Variants in RORA observed in about 807,000 individuals in gnomAD.
The protein encoded by RORA is RAR related orphan receptor A.
A neutral mutation model predicts 69.5 loss-of-function variants in RORA; 7 were observed. The ratio of observed to expected loss-of-function variants is 0.10; its 90% CI spans 0.06 to 0.19. The LOEUF is 0.19. Ranked by LOEUF, RORA falls within the 10% of genes least tolerant of loss-of-function variation. The probability of loss-of-function intolerance (pLI) is 1.00; values close to 1 mark genes in which losing one functional copy is unlikely to be tolerated. For missense variants in RORA, 457 were observed against 663.0 expected (o/e 0.69, Z 3.41); for synonymous variants, 261 against 240.8 (o/e 1.08, Z -0.78).
chr15:60,719,382 T>C (rs551443816), intron 1 of RORA, among the ~76,000 whole-genome samples: 16 of 152,278 alleles, frequency 1.1e-4, no homozygotes, highest in East Asian at 9.6e-4. Flanking sequence ...AGCTGAATGA[T>C]GGGTTCACTG....
intron 2 of RORA, among the ~76,000 whole-genome samples, chr15:60,545,554 A>G (rs1375524976): frequency 6.6e-6 from 1 of 152,202 alleles, no homozygotes; most frequent in African/African-American, 2.4e-5. Context: ...CTATCAGAGA[A>G]ATATCAATCC....
chr15:60,866,843 TCTATCTATCTAC>T (rs1171700205), intron 1 of RORA, among the ~76,000 whole-genome samples: 4 of 151,278 alleles, frequency 2.6e-5, no homozygotes, highest in Non-Finnish European at 4.4e-5. Context: ...TATCTATCTA[TCTATCTATCTAC>T]CTACCTACCT....
At chr15:60,914,349 G>T (rs1204303744) in intron 1 of RORA, among the ~76,000 whole-genome samples, 1 of 152,168 alleles carries the variant, frequency 6.6e-6, no homozygotes, top group Non-Finnish European at 1.5e-5. Flanking sequence ...TAGCCACAGA[G>T]AATGAATTCA....
chr15:60,693,842 C>T (rs1352441913), intron 1 of RORA, among the ~76,000 whole-genome samples: 4 of 152,094 alleles, frequency 2.6e-5, no homozygotes, highest in Non-Finnish European at 5.9e-5. Flanking sequence ...TAGGAAGAAT[C>T]AATATCATGA....
At chr15:60,928,872 G>A (rs1340463684) in intron 1 of RORA, among the ~76,000 whole-genome samples, 1 of 152,198 alleles carries the variant, frequency 6.6e-6, no homozygotes, top group Non-Finnish European at 1.5e-5. Context: ...ACAGGCTGGG[G>A]CACCAGGTGT....
At chr15:60,897,895 AC>A (rs1891272654) in intron 1 of RORA, among the ~76,000 whole-genome samples, 1 of 152,202 alleles carries the variant, frequency 6.6e-6, no homozygotes, top group Non-Finnish European at 1.5e-5. Context: ...ATAGAGGATG[AC>A]CCCTGTGAAA....
At chr15:61,171,329 T>C (rs2079583312) in intron 1 of RORA, among the ~76,000 whole-genome samples, 1 of 152,140 alleles carries the variant, frequency 6.6e-6, no homozygotes, top group Non-Finnish European at 1.5e-5. Flanking sequence ...TAAGTGCTTC[T>C]GGGGCAATGG....
chr15:60,998,298 C>T lies in RORA; in HGVS notation c.166+230755G>A, dbSNP rs140975756. On this transcript the variant is annotated intron_variant, in intron 1 of 10. Coordinates refer to ENST00000335670, the MANE Select transcript of RORA (RefSeq NM_134261.3). ...CCCACCTTAGCCCCCTGAGTAGCTG[C>T]GACTACAGGCATGTAATACCACACC... 2.0e-4 allele frequency among the ~76,000 whole-genome samples: 30 copies of T among 151,854 alleles called. 1 individual carries two copies. In the East Asian group the frequency reaches 5.4e-3, roughly 27 times the overall value.
intron 2 of RORA, among the ~76,000 whole-genome samples, chr15:60,666,220 T>C (rs2070379064): frequency 6.6e-6 from 1 of 150,676 alleles, no homozygotes; most frequent in African/African-American, 2.4e-5. Context: ...TAGTCTAGAG[T>C]GCAGTGGTGC....
chr15:61,028,286 G>A (rs565104807), intron 1 of RORA, among the ~76,000 whole-genome samples: 2 of 152,314 alleles, frequency 1.3e-5, no homozygotes, highest in African/African-American at 4.8e-5. Context: ...CTGGGGGCAT[G>A]AGGAGGAGTT....
intron 1 of RORA, among the ~76,000 whole-genome samples, chr15:61,020,741 C>T (rs1208396838): frequency 6.6e-6 from 1 of 152,148 alleles, no homozygotes; most frequent in Non-Finnish European, 1.5e-5. Context: ...CTGGAATTCC[C>T]TTCCTAAAGC....
At chr15:60,628,718 G>C (rs2069656423) in intron 2 of RORA, among the ~76,000 whole-genome samples, 1 of 152,164 alleles carries the variant, frequency 6.6e-6, no homozygotes, top group Non-Finnish European at 1.5e-5. Context: ...ATAGAAGCCT[G>C]ACTGATGCCC....
At chr15:61,117,861 G>A (rs1441643177) in intron 1 of RORA, among the ~76,000 whole-genome samples, 1 of 152,154 alleles carries the variant, frequency 6.6e-6, no homozygotes, top group Non-Finnish European at 1.5e-5. Context: ...GAAAGATAAA[G>A]ACTTCAAAAG....
At chr15:60,683,802 G>A (rs946512827) in intron 1 of RORA, among the ~76,000 whole-genome samples, 2 of 152,076 alleles carry the variant, frequency 1.3e-5, no homozygotes, top group Admixed American at 6.6e-5. Context: ...CAAAATATTC[G>A]GTCCAAAGCA....
chr15:60,642,787 G>A (rs1002802140), intron 2 of RORA, among the ~76,000 whole-genome samples: 3 of 152,136 alleles, frequency 2.0e-5, no homozygotes, highest in African/African-American at 4.8e-5. Context: ...TAGGTGCTGA[G>A]GTGAGAGGAT....
At position 60,993,291 on chromosome 15, in the gene RORA, G is replaced by C. The variant is rs147551423; in HGVS notation, c.166+235762C>G. Among the ~76,000 whole-genome samples, 58 of 152,224 alleles carry C rather than the reference G, an allele frequency of 3.8e-4. No individual in the cohort carries two copies. The East Asian group carries it at 0.011, about 28-fold the overall frequency. Reference sequence around the variant, plus strand: ...ACCTTCATAACATTATTGTGGGGAAGGTATTACTGTCCCCCTTTTATAGAC... The same window carrying C: ...ACCTTCATAACATTATTGTGGGGAACGTATTACTGTCCCCCTTTTATAGAC... On this transcript the variant is annotated intron_variant, in intron 1 of 10. Coordinates refer to ENST00000335670, the MANE Select transcript of RORA (RefSeq NM_134261.3).
intron 8 of RORA, among the ~76,000 whole-genome samples, chr15:60,501,782 C>T (rs2065339010): frequency 6.6e-6 from 1 of 152,108 alleles, no homozygotes; most frequent in African/African-American, 2.4e-5. Context: ...TTCCAAAAGA[C>T]TGGTTAAGTT....
Position 61,128,795 on chromosome 15 carries a change from C to A in RORA, c.166+100258G>T, listed in dbSNP as rs2140837458. On this transcript the variant is annotated intron_variant, in intron 1 of 10. Coordinates refer to ENST00000335670, the MANE Select transcript of RORA (RefSeq NM_134261.3). This position sits in a 1 kb window ranked among gnomAD's most constrained non-coding sequence, Gnocchi z 4.5. ...ACACAACCAAATATTGGCAATGCAT[C>A]CTGAGACAAGAGTCAAGTGCTAAGC... Among the ~76,000 whole-genome samples the A allele has an allele frequency of 6.6e-6, 1 of 152,216 alleles. No individual in the cohort carries two copies. Among genetic ancestry groups the A allele is most frequent in the Non-Finnish European group, 1.5e-5 (1 of 68,014 alleles).
chr15:60,718,247 C>G (rs2140819698), intron 1 of RORA, among the ~76,000 whole-genome samples: 1 of 152,292 alleles, frequency 6.6e-6, no homozygotes, highest in Middle Eastern at 3.4e-3. Context: ...TCATCAGTTA[C>G]TGGTAGAAGG....
Sources: allele counts gnomAD v4.1 joint callset (sites outside exome capture counted in the v4.1 genomes callset), GRCh38; gene constraint gnomAD v4.1.1; non-coding constraint Gnocchi (gnomAD v3.1); transcripts MANE v1.5; gene names NCBI Gene and HGNC (gene_info 2026-07-23, HGNC 2026-07-21).